Variants in PCDH15 observed in about 807,000 individuals in gnomAD.
PCDH15 encodes protocadherin related 15.
In PCDH15, 129 loss-of-function variants were observed where a neutral mutation model predicts 178.5. The ratio of observed to expected loss-of-function variants is 0.72; its 90% CI spans 0.63 to 0.84. PCDH15 has a LOEUF of 0.84. Ranked by LOEUF, PCDH15 falls within the 40% of genes least tolerant of loss-of-function variation. The pLI is 0.00. For synonymous variants in PCDH15, 800 were observed against 732.0 expected (o/e 1.09, Z -1.50); for missense variants, 2,230 against 2,099.9 (o/e 1.06, Z -1.21).
At chr10:54,261,376 T>A (rs1419946884) in intron 8 of PCDH15, among the ~76,000 whole-genome samples, 1 of 151,876 alleles carries the variant, frequency 6.6e-6, no homozygotes, top group Non-Finnish European at 1.5e-5. Context: ...ATAATACTAA[T>A]GAAAATTAAT....
At chr10:55,187,365 T>C (rs1164382707) in intron 1 of PCDH15, among the ~76,000 whole-genome samples, 1 of 152,020 alleles carries the variant, frequency 6.6e-6, no homozygotes, top group East Asian at 1.9e-4. Context: ...TCAGGTAGCA[T>C]ACATGAGACA....
At chr10:53,997,924 A>T (rs1911412) in intron 20 of PCDH15, among the ~76,000 whole-genome samples, 35,329 of 152,098 alleles carry the variant, frequency 0.23, 4,414 homozygotes, top group East Asian at 0.45. Context: ...TGGTTACAAA[A>T]GCAGCTAGTT....
chr10:54,802,013 C>T (rs912437740), upstream of PCDH15, among the ~76,000 whole-genome samples: 1 of 152,086 alleles, frequency 6.6e-6, no homozygotes, highest in African/African-American at 2.4e-5. Flanking sequence ...CATGTGTTCA[C>T]CTGAGCATAT....
At chr10:54,918,746 T>C (rs1837409843) in intron 2 of PCDH15, among the ~76,000 whole-genome samples, 1 of 152,182 alleles carries the variant, frequency 6.6e-6, no homozygotes, top group Non-Finnish European at 1.5e-5. Context: ...TGTAAGTCTA[T>C]AGAAAGTATA....
intron 3 of PCDH15, among the ~76,000 whole-genome samples, chr10:54,409,204 C>G (rs1412347048): frequency 2.6e-5 from 4 of 152,118 alleles, no homozygotes; most frequent in Non-Finnish European, 5.9e-5. Context: ...AAACTTCTTT[C>G]TTTTGTAAAT....
At chr10:54,128,792 G>A (rs1417576204) in intron 15 of PCDH15, among the ~76,000 whole-genome samples, 2 of 152,068 alleles carry the variant, frequency 1.3e-5, no homozygotes, top group Non-Finnish European at 2.9e-5. Context: ...ATCTCCAAGT[G>A]AGGAAAATAG....
At chr10:53,808,501 C>A in intron 37 of PCDH15, 12 of 1,411,312 alleles carry the variant, frequency 8.5e-6, no homozygotes, top group Non-Finnish European at 1.0e-5. Flanking sequence ...CAGTTTTACT[C>A]TAATACAGTC....
At chr10:54,807,529 CT>C (rs540683037) in intron 3 of PCDH15, among the ~76,000 whole-genome samples, 3 of 150,914 alleles carry the variant, frequency 2.0e-5, no homozygotes, top group African/African-American at 7.3e-5. Context: ...AACTTGGGAA[CT>C]TTTTTTTTCT....
intron 14 of PCDH15, among the ~76,000 whole-genome samples, chr10:54,137,660 T>G (rs921995065): frequency 6.6e-6 from 1 of 152,194 alleles, no homozygotes; most frequent in African/African-American, 2.4e-5. Context: ...TCTTACATAT[T>G]GTTACATTTC....
intron 10 of PCDH15, among the ~76,000 whole-genome samples, chr10:54,202,279 A>G (rs2018332): frequency 0.91 from 137,374 of 151,764 alleles, 62,380 homozygotes; most frequent in East Asian, 0.98. Context: ...AGTTCTTAGA[A>G]CCTGCTTGGC....
rs768227920 is a variant in PCDH15 at position 54,537,102 on chromosome 10, C to G, written c.92-9225G>C. 2.2e-4 allele frequency among the ~76,000 whole-genome samples: 33 copies of G among 150,230 alleles called. No homozygotes were observed. The South Asian group carries it at 2.3e-3, about 11-fold the overall frequency. On this transcript the variant is annotated intron_variant, in intron 2 of 37. Coordinates refer to ENST00000644397, the MANE Select transcript of PCDH15 (RefSeq NM_001384140.1). ...CAAGCTCCGCCTCCCAGGTTCACGCCAGTCTTCTGCCTCAGCCTCCCGAGT... is the reference window on the plus strand; with the variant it reads ...CAAGCTCCGCCTCCCAGGTTCACGCGAGTCTTCTGCCTCAGCCTCCCGAGT...
chr10:53,979,138 G>A (rs534668607), intron 21 of PCDH15, among the ~76,000 whole-genome samples: 1 of 152,194 alleles, frequency 6.6e-6, no homozygotes, highest in Admixed American at 6.5e-5. Flanking sequence ...ACACTGCTAT[G>A]GGGACATACC....
intron 1 of PCDH15, among the ~76,000 whole-genome samples, chr10:55,237,060 T>G (rs1379351328): frequency 6.6e-6 from 1 of 152,148 alleles, no homozygotes; most frequent in East Asian, 1.9e-4. Flanking sequence ...TTTAAAAAAC[T>G]ATAAATTTAT....
intron 2 of PCDH15, among the ~76,000 whole-genome samples, chr10:55,166,423 A>C (rs955817688): frequency 6.6e-6 from 1 of 152,178 alleles, no homozygotes; most frequent in Non-Finnish European, 1.5e-5. Context: ...TGTGAATCCA[A>C]CATAACATAT....
intron 10 of PCDH15, among the ~76,000 whole-genome samples, chr10:54,204,725 C>T (rs1260696495): frequency 6.6e-6 from 1 of 151,922 alleles, no homozygotes; most frequent in Non-Finnish European, 1.5e-5. Flanking sequence ...TAGCAGCTGC[C>T]CTAGGAAGTG....
intron 2 of PCDH15, among the ~76,000 whole-genome samples, chr10:54,962,818 C>A (rs977910548): frequency 6.6e-6 from 1 of 152,158 alleles, no homozygotes; most frequent in Non-Finnish European, 1.5e-5. Context: ...CAGCCAAGAA[C>A]AGCCTGCTGG....
At chr10:55,284,469 A>G (rs1250238733) in intron 1 of PCDH15, among the ~76,000 whole-genome samples, 1 of 152,116 alleles carries the variant, frequency 6.6e-6, no homozygotes, top group Non-Finnish European at 1.5e-5. Context: ...TGTATTGCTC[A>G]AAAGAATGAG....
chr10:54,419,504 ACT>A (rs935864082), intron 3 of PCDH15, among the ~76,000 whole-genome samples: 2 of 151,962 alleles, frequency 1.3e-5, no homozygotes, highest in African/African-American at 4.8e-5. Context: ...AATTTGTCAA[ACT>A]CTGATTGATT....
chr10:54,388,051 G>A (rs1235519705), intron 3 of PCDH15, among the ~76,000 whole-genome samples: 19 of 152,116 alleles, frequency 1.2e-4, no homozygotes, highest in Admixed American at 1.2e-3. Context: ...AATGGATAGT[G>A]GTAATGGCTG....
Sources: allele counts gnomAD v4.1 joint callset (sites outside exome capture counted in the v4.1 genomes callset), GRCh38; gene constraint gnomAD v4.1.1; transcripts MANE v1.5; gene names NCBI Gene and HGNC (gene_info 2026-07-23, HGNC 2026-07-21).